Variants in SRGAP2 observed in about 807,000 individuals in gnomAD.
The protein encoded by SRGAP2 is SLIT-ROBO Rho GTPase-activating protein 2.
In SRGAP2, 15 loss-of-function variants were observed where a neutral mutation model predicts 57.2. That is an observed-to-expected ratio of 0.26 (90% CI 0.18 to 0.40). The LOEUF (loss-of-function observed/expected upper bound fraction) is 0.40, where lower values mean the gene tolerates loss of function less well. Ranked by LOEUF, SRGAP2 falls within the 10% of genes least tolerant of loss-of-function variation. The probability of loss-of-function intolerance (pLI) is 1.00; values close to 1 mark genes in which losing one functional copy is unlikely to be tolerated. For missense variants in SRGAP2, 520 were observed against 669.6 expected (o/e 0.78, Z 2.47); for synonymous variants, 249 against 248.0 (o/e 1.00, Z -0.04).
intron 7 of SRGAP2, among the ~76,000 whole-genome samples, chr1:206,397,781 C>T (rs1450826842): frequency 2.9e-5 from 4 of 136,528 alleles, no homozygotes; most frequent in Non-Finnish European, 6.1e-5. Flanking sequence ...GCATTGTCCT[C>T]ATGCATAGCT....
rs138398233 is a variant in SRGAP2, at chr1:206,209,811, C to G, written c.67+3774C>G. On this transcript the variant is annotated intron_variant, in intron 2 of 22. Coordinates refer to ENST00000573034, the MANE Select transcript of SRGAP2 (RefSeq NM_015326.5). ...GGTATTTGCGTATAACCTATGTACA[C>G]ACGTCCTTCTGTATACTTTAAATCA... Among the ~76,000 whole-genome samples, 740 of 150,836 alleles carry G rather than the reference C, an allele frequency of 4.9e-3. 10 individuals carry two copies. Among genetic ancestry groups the G allele is most frequent in the African/African-American group, 0.018 (711 of 40,530 alleles).
intron 5 of SRGAP2, among the ~76,000 whole-genome samples, chr1:206,388,220 G>T (rs1340348220): frequency 6.6e-6 from 1 of 151,938 alleles, no homozygotes; most frequent in Non-Finnish European, 1.5e-5. Flanking sequence ...TTATGCTTCT[G>T]TACTCCCCCT....
At chr1:206,303,888 TCACACACA>T (rs1172123806) in intron 3 of SRGAP2, among the ~76,000 whole-genome samples, 37 of 138,452 alleles carry the variant, frequency 2.7e-4, no homozygotes, top group African/African-American at 3.6e-4. Flanking sequence ...TCTCTCTCTC[TCACACACA>T]CACACACACA....
At chr1:206,217,604 G>T (rs1345090122) in intron 2 of SRGAP2, among the ~76,000 whole-genome samples, 1 of 151,534 alleles carries the variant, frequency 6.6e-6, no homozygotes, top group Non-Finnish European at 1.5e-5. Flanking sequence ...TGTTTTAGGT[G>T]CTTTACATAT....
intron 2 of SRGAP2, among the ~76,000 whole-genome samples, chr1:206,279,581 ATTTTT>A (rs1165950488): frequency 6.9e-5 from 6 of 86,656 alleles, no homozygotes; most frequent in African/African-American, 1.3e-4. Flanking sequence ...ACACCTGGCT[ATTTTT>A]TTTTTTTTTT....
chr1:206,373,902 G>A (rs1214095571), intron 4 of SRGAP2, among the ~76,000 whole-genome samples: 1 of 151,034 alleles, frequency 6.6e-6, no homozygotes, highest in Non-Finnish European at 1.5e-5. Flanking sequence ...CTCAGTGAAT[G>A]ATTAAACAAC....
chr1:206,280,181 A>G (rs1389432399), intron 2 of SRGAP2, among the ~76,000 whole-genome samples: 3 of 149,476 alleles, frequency 2.0e-5, no homozygotes, highest in Admixed American at 1.3e-4. Context: ...TCCAAGGCTC[A>G]AGCAATTCTC....
rs957873119 is a variant in SRGAP2, at chr1:206,446,749, T to A, written c.2099+450T>A. On this transcript the variant is annotated intron_variant, in intron 18 of 22. Transcript: ENST00000573034. ...GCATAATTTCCTGACCGTGAGTTTG[T>A]AAGCTGGCACTTCAGAATGATTTTA... Among the ~76,000 whole-genome samples the A allele has an allele frequency of 2.0e-5, 3 of 152,198 alleles. No individual in the cohort carries two copies. The East Asian group carries it at 5.8e-4, about 29-fold the overall frequency.
At chr1:206,456,405 C>A (rs141820092) in intron 21 of SRGAP2, among the ~76,000 whole-genome samples, 32 of 152,326 alleles carry the variant, frequency 2.1e-4, no homozygotes, top group African/African-American at 7.5e-4. Flanking sequence ...GTGGGCTAAT[C>A]ACATTTTTTT....
At chr1:206,431,888 G>A (rs782027630) in intron 14 of SRGAP2, among the ~76,000 whole-genome samples, 10 of 152,212 alleles carry the variant, frequency 6.6e-5, no homozygotes, top group African/African-American at 1.9e-4. Context: ...CTTGGGGAGC[G>A]GGAACAAGTG....
chr1:206,239,088 C>G (rs1553308556), intron 2 of SRGAP2, among the ~76,000 whole-genome samples: 10 of 151,462 alleles, frequency 6.6e-5, no homozygotes, highest in Non-Finnish European at 1.5e-4. Context: ...TCCTTCCACA[C>G]TTTTGGGACC....
rs1351607508 is a variant in SRGAP2, at chr1:206,462,073, G to C, written c.*653G>C. 3 of 152,172 alleles carry C rather than the reference G, an allele frequency of 2.0e-5. No individual in the cohort carries two copies. Among genetic ancestry groups the C allele is most frequent in the Non-Finnish European group, 2.9e-5 (2 of 68,052 alleles). The allele number at this position is 152,172 out of a possible 1,614,324, so 9.4% of individuals were successfully genotyped here. ...TGTTCTGTCTGGGCCAGAGAACCTAGCCTTTGAAATCTCTCCATCATATGA... is the reference window on the plus strand; with the variant it reads ...TGTTCTGTCTGGGCCAGAGAACCTACCCTTTGAAATCTCTCCATCATATGA... On this transcript the variant is annotated 3_prime_UTR_variant, in exon 23 of 23. Coordinates refer to ENST00000573034, the MANE Select transcript of SRGAP2 (RefSeq NM_015326.5).
intron 2 of SRGAP2, among the ~76,000 whole-genome samples, chr1:206,278,367 G>A (rs1468471241): frequency 1.5e-5 from 2 of 130,146 alleles, no homozygotes; most frequent in Admixed American, 8.1e-5. Flanking sequence ...TTTTTAAAGA[G>A]ACAAGGTCTC....
intron 4 of SRGAP2, among the ~76,000 whole-genome samples, chr1:206,353,914 C>T (rs1676235640): frequency 1.3e-5 from 2 of 149,946 alleles, no homozygotes; most frequent in African/African-American, 4.9e-5. Flanking sequence ...ATCCTCCCAC[C>T]TCAGCTTCTC....
At chr1:206,348,097 T>A (rs1167469278) in intron 4 of SRGAP2, among the ~76,000 whole-genome samples, 1 of 147,146 alleles carries the variant, frequency 6.8e-6, no homozygotes, top group Non-Finnish European at 1.5e-5. Flanking sequence ...TGGTTTGTGG[T>A]AATGTCTGCT....
intron 5 of SRGAP2, among the ~76,000 whole-genome samples, chr1:206,390,488 C>CT (rs1656821997): frequency 6.6e-6 from 1 of 152,150 alleles, no homozygotes; most frequent in South Asian, 2.1e-4. Context: ...TCTTTGACCC[C>CT]TTTTTTATCT....
chr1:206,366,586 C>A (rs1265195521), intron 4 of SRGAP2, among the ~76,000 whole-genome samples: 1 of 151,966 alleles, frequency 6.6e-6, no homozygotes, highest in Non-Finnish European at 1.5e-5. Context: ...TTTCTTTTTG[C>A]GATAACTACA....
intron 14 of SRGAP2, among the ~76,000 whole-genome samples, chr1:206,435,379 C>T (rs1468230636): frequency 1.3e-5 from 2 of 152,058 alleles, no homozygotes; most frequent in African/African-American, 4.8e-5. Context: ...AGGATTGTGC[C>T]GTAACAGAGG....
chr1:206,307,810 G>T (rs1486597808), intron 3 of SRGAP2, among the ~76,000 whole-genome samples: 8 of 151,886 alleles, frequency 5.3e-5, no homozygotes, highest in Non-Finnish European at 1.2e-4. Context: ...GCCGCACGCA[G>T]CCCCGGTTCC....
Sources: allele counts gnomAD v4.1 joint callset (sites outside exome capture counted in the v4.1 genomes callset), GRCh38; gene constraint gnomAD v4.1.1; transcripts MANE v1.5; gene names NCBI Gene and HGNC (gene_info 2026-07-23, HGNC 2026-07-21).